The following LRP1B variants were observed in gnomAD, a reference collection of about 807,000 sequenced individuals.
LRP1B encodes low-density lipoprotein receptor-related protein 1B.
LRP1B carries 217 observed loss-of-function variants against 556.6 expected under a neutral mutation model. The observed-to-expected ratio is 0.39, with a 90% CI of 0.35 to 0.44. LRP1B has a LOEUF of 0.44. Among genes scored for constraint, LRP1B ranks in the 20% least tolerant of loss-of-function variants. The pLI is 1.00. For missense variants in LRP1B, 5,053 were observed against 5,620.8 expected (o/e 0.90, Z 3.23); for synonymous variants, 2,047 against 1,865.8 (o/e 1.10, Z -2.50).
chr2:140,386,316 G>A (rs1227920307), intron 66 of LRP1B, among the ~76,000 whole-genome samples: 1 of 152,180 alleles, frequency 6.6e-6, no homozygotes, highest in Non-Finnish European at 1.5e-5. Context: ...GCTCACGCCT[G>A]TAATCCCAGC....
intron 2 of LRP1B, among the ~76,000 whole-genome samples, chr2:141,639,365 TATATATATATACAC>T (rs1463685145): frequency 3.1e-4 from 18 of 58,680 alleles, no homozygotes; most frequent in East Asian, 1.6e-3. Flanking sequence ...CACACACACA[TATATATATATACAC>T]ATATATATAT....
At chr2:141,850,622 C>CTGTGTGTGTGTGTGTGTG (rs70994458) in intron 1 of LRP1B, among the ~76,000 whole-genome samples, 8 of 141,102 alleles carry the variant, frequency 5.7e-5, no homozygotes, top group African/African-American at 7.9e-5. Context: ...AGCATAAACT[C>CTGTGTGTGTGTGTGTGTG]TGTGTGTGTG....
intron 1 of LRP1B, among the ~76,000 whole-genome samples, chr2:142,078,753 A>G (rs575120005): frequency 6.6e-6 from 1 of 152,302 alleles, no homozygotes; most frequent in East Asian, 1.9e-4. Context: ...TTGTATAACT[A>G]TAGCACCATG....
chr2:140,929,789 C>T (rs1694996530), intron 20 of LRP1B, among the ~76,000 whole-genome samples: 1 of 151,508 alleles, frequency 6.6e-6, no homozygotes, highest in African/African-American at 2.4e-5. Flanking sequence ...CACACACACA[C>T]ACACACAGTT....
chr2:141,324,389 G>A (rs2105477930), intron 3 of LRP1B, among the ~76,000 whole-genome samples: 1 of 152,210 alleles, frequency 6.6e-6, no homozygotes, highest in South Asian at 2.1e-4. Flanking sequence ...TTTTGTTGTG[G>A]TTATGGCAAA....
intron 1 of LRP1B, among the ~76,000 whole-genome samples, chr2:142,010,200 T>C (rs1352213365): frequency 6.6e-6 from 1 of 152,028 alleles, no homozygotes; most frequent in South Asian, 2.1e-4. Context: ...CTACAAATCA[T>C]GCCACACTGC....
intron 1 of LRP1B, among the ~76,000 whole-genome samples, chr2:141,880,243 T>C (rs1574458248): frequency 6.6e-6 from 1 of 151,954 alleles, no homozygotes; most frequent in African/African-American, 2.4e-5. Context: ...GTCTTAGTCA[T>C]TGTTGTACTG....
At chr2:140,507,334 G>A (rs547632163) in intron 52 of LRP1B, among the ~76,000 whole-genome samples, 4 of 152,216 alleles carry the variant, frequency 2.6e-5, no homozygotes, top group Admixed American at 2.6e-4. Context: ...GTGAAAAATA[G>A]ACTGGTAAAG....
chr2:141,246,613 A>T (rs941917877), intron 5 of LRP1B, among the ~76,000 whole-genome samples: 2 of 152,176 alleles, frequency 1.3e-5, no homozygotes, highest in African/African-American at 4.8e-5. Context: ...AGGAGAGAGG[A>T]TAGGTAATTC....
At chr2:140,661,885 C>G (rs1209783764) in intron 41 of LRP1B, among the ~76,000 whole-genome samples, 4 of 148,756 alleles carry the variant, frequency 2.7e-5, no homozygotes, top group African/African-American at 1.0e-4. Flanking sequence ...GTTTAAGATT[C>G]TAAGTTGTAT....
intron 1 of LRP1B, among the ~76,000 whole-genome samples, chr2:142,089,882 T>C (rs1426436305): frequency 6.6e-6 from 1 of 152,218 alleles, no homozygotes; most frequent in African/African-American, 2.4e-5. Flanking sequence ...GGCTTTCTTG[T>C]ATTACTTGGC....
intron 25 of LRP1B, among the ~76,000 whole-genome samples, chr2:140,872,223 T>C (rs1693158115): frequency 6.6e-6 from 1 of 151,758 alleles, no homozygotes; most frequent in African/African-American, 2.4e-5. Context: ...TAGTCTGGAG[T>C]TCCTCAAAGA....
At chr2:142,088,119 A>G (rs1215100302) in intron 1 of LRP1B, among the ~76,000 whole-genome samples, 1 of 152,098 alleles carries the variant, frequency 6.6e-6, no homozygotes, top group East Asian at 1.9e-4. Flanking sequence ...TTATATCTAT[A>G]TATCTGTTTC....
chr2:140,887,563 T>C (rs557880962), intron 23 of LRP1B, among the ~76,000 whole-genome samples: 43 of 152,300 alleles, frequency 2.8e-4, no homozygotes, highest in Admixed American at 2.6e-3. Context: ...CCAGTTCTAG[T>C]TGAACACCCC....
intron 2 of LRP1B, among the ~76,000 whole-genome samples, chr2:141,658,796 C>A (rs355572): frequency 0.77 from 116,546 of 152,140 alleles, 45,323 homozygotes; most frequent in African/African-American, 0.89. Flanking sequence ...AGTTTTGCAA[C>A]TATAAATGGT....
intron 84 of LRP1B, among the ~76,000 whole-genome samples, chr2:140,292,984 T>C (rs1327048379): frequency 1.3e-5 from 2 of 152,200 alleles, no homozygotes; most frequent in Non-Finnish European, 2.9e-5. Flanking sequence ...CAGGTACTTC[T>C]AACTCTGTAA....
At chr2:141,721,597 A>T (rs1692816942) in intron 2 of LRP1B, among the ~76,000 whole-genome samples, 1 of 152,208 alleles carries the variant, frequency 6.6e-6, no homozygotes, top group African/African-American at 2.4e-5. Context: ...ATCTAAAATA[A>T]CAAAATTTAG....
At chr2:141,510,249 TTGA>T (rs200834501) in intron 2 of LRP1B, among the ~76,000 whole-genome samples, 3,226 of 138,322 alleles carry the variant, frequency 0.023, 52 homozygotes, top group Non-Finnish European at 0.034. Flanking sequence ...CCACAGTCAT[TTGA>T]TGATATTTCT....
chr2:140,513,977 C>G (rs1452960173), intron 51 of LRP1B, among the ~76,000 whole-genome samples: 2 of 151,908 alleles, frequency 1.3e-5, no homozygotes, highest in Admixed American at 1.3e-4. Flanking sequence ...ATTTTAAAGA[C>G]TAGCTTGTTT....
Sources: gnomAD v4.1 joint callset for allele counts (sites outside exome capture counted in the v4.1 genomes callset) on GRCh38, gnomAD v4.1.1 for gene constraint, MANE v1.5 for transcripts, NCBI Gene and HGNC (gene_info 2026-07-23, HGNC 2026-07-21) for gene names.